Variants in RALGAPA1 observed in about 807,000 individuals in gnomAD.
RALGAPA1 encodes the protein ral GTPase-activating protein subunit alpha-1.
A neutral mutation model predicts 269.6 loss-of-function variants in RALGAPA1; 52 were observed. That is an observed-to-expected ratio of 0.19 (90% confidence interval 0.15 to 0.24). The LOEUF is 0.24. RALGAPA1 is among the 10% of genes least tolerant of loss of function. The pLI is 1.00. For missense variants in RALGAPA1, 1,917 were observed against 3,013.9 expected (o/e 0.64, Z 8.52); for synonymous variants, 817 against 1,008.3 (o/e 0.81, Z 3.60).
chr14:35,548,168 C>G (rs930050978), intron 41 of RALGAPA1, among the ~76,000 whole-genome samples: 1 of 151,942 alleles, frequency 6.6e-6, no homozygotes, highest in African/African-American at 2.4e-5. Flanking sequence ...CAATGCAACA[C>G]ATCACAAAAT....
intron 29 of RALGAPA1, 88 bp downstream of exon 29, chr14:35,655,719 A>C: frequency 6.7e-7 from 1 of 1,487,672 alleles, no homozygotes; most frequent in South Asian, 1.4e-5. Flanking sequence ...ACATTTACTA[A>C]ATGTTACACA....
intron 16 of RALGAPA1, among the ~76,000 whole-genome samples, chr14:35,719,385 C>T (rs544877188): frequency 6.6e-6 from 1 of 152,210 alleles, no homozygotes; most frequent in South Asian, 2.1e-4. Context: ...AATCTGCTGC[C>T]CCTTTTTATA....
intron 16 of RALGAPA1, among the ~76,000 whole-genome samples, chr14:35,702,698 T>A (rs896107293): frequency 2.1e-5 from 3 of 142,748 alleles, no homozygotes; most frequent in African/African-American, 7.7e-5. Flanking sequence ...TCATCTATAG[T>A]TGTAATCACC....
intron 4 of RALGAPA1, among the ~76,000 whole-genome samples, chr14:35,763,275 A>C (rs1303635730): frequency 1.3e-5 from 2 of 151,992 alleles, no homozygotes; most frequent in Non-Finnish European, 2.9e-5. Flanking sequence ...GCAGAGGACC[A>C]CCACTCAGTA....
At chr14:35,699,556 A>G (rs1375899336) in intron 17 of RALGAPA1, among the ~76,000 whole-genome samples, 1 of 152,170 alleles carries the variant, frequency 6.6e-6, no homozygotes, top group Non-Finnish European at 1.5e-5. Flanking sequence ...CAGGTTTTGA[A>G]GCTCCTTGGA....
intron 30 of RALGAPA1, among the ~76,000 whole-genome samples, chr14:35,653,077 G>A (rs938416875): frequency 5.9e-5 from 9 of 152,250 alleles, no homozygotes; most frequent in African/African-American, 2.2e-4. Context: ...TAAGATGACT[G>A]AGTGGGAAAA....
intron 26 of RALGAPA1, among the ~76,000 whole-genome samples, chr14:35,668,285 C>T (rs552584491): frequency 2.0e-5 from 3 of 152,266 alleles, no homozygotes; most frequent in South Asian, 2.1e-4. Context: ...GAGTTCAAGA[C>T]CAGCCTGGCC....
At chr14:35,615,501 TTG>T in intron 35 of RALGAPA1, among the ~76,000 whole-genome samples, 1 of 152,204 alleles carries the variant, frequency 6.6e-6, no homozygotes. Flanking sequence ...AGCTCAAAAA[TTG>T]TCTTACTGTC....
Position 35,696,332 on chromosome 14 carries a change from G to C in RALGAPA1, c.2407+3830C>G, listed in dbSNP as rs139306785. On this transcript the variant is annotated intron_variant, in intron 17 of 41. Coordinates refer to ENST00000680220, the MANE Select transcript of RALGAPA1 (RefSeq NM_001346249.2). ...GGGAGGCTGAGGCAGGGAAGTCAAG[G>C]CTGCAGTGAGTCATGTTTGCACCAC... is the stretch of plus-strand genomic sequence containing the variant. Among the ~76,000 whole-genome samples, 1,387 of 152,154 alleles carry C rather than the reference G, an allele frequency of 9.1e-3. 31 individuals are homozygous for C. Among genetic ancestry groups the C allele is most frequent in the African/African-American group, 0.032 (1,342 of 41,516 alleles).
In RALGAPA1 at chr14:35,721,709, T is replaced by C. The variant is rs775968575; in HGVS notation, c.2245A>G (p.Ile749Val). ...ATACCGACAGTTTTTTGCCGTACTA[T>C]ACTCCTCGCCTTTTCGGTTCCTGGA... Reference protein sequence around the residue: ...GSPGTEKARSIVRQKTVAMRS... With the variant: ...GSPGTEKARSVVRQKTVAMRS... The change falls in exon 16 of 42, where the codon ATA becomes GTA. Residue 749 changes from isoleucine to valine, a missense_variant. Physicochemically the swap from Ile to Val is conservative, Grantham distance 29. Coordinates refer to ENST00000680220, the MANE Select transcript of RALGAPA1 (RefSeq NM_001346249.2). 50 of 1,613,496 alleles carry C rather than the reference T, an allele frequency of 3.1e-5. No individual in the cohort carries two copies. The highest frequency in any genetic ancestry group is 9.3e-5 in the African/African-American group (7 of 74,924).
chr14:35,694,098 A>G (rs2066712211), intron 17 of RALGAPA1, among the ~76,000 whole-genome samples: 1 of 152,110 alleles, frequency 6.6e-6, no homozygotes, highest in African/African-American at 2.4e-5. Context: ...CCTTAAAAAA[A>G]AAAAGTAGCT....
Position 35,736,775 on chromosome 14 carries a change from C to A in RALGAPA1, c.1587+1738G>T, listed in dbSNP as rs971588730. On this transcript the variant is annotated intron_variant, in intron 12 of 41. Coordinates refer to ENST00000680220, the MANE Select transcript of RALGAPA1 (RefSeq NM_001346249.2). Reference sequence around the variant, plus strand: ...GATTGGCCAGGCACAGTGGCTCATGCCTATAATCCCAACACTTTGGGAGGC... The same window carrying A: ...GATTGGCCAGGCACAGTGGCTCATGACTATAATCCCAACACTTTGGGAGGC... Among the ~76,000 whole-genome samples, 7 of 152,132 alleles carry A rather than the reference C, an allele frequency of 4.6e-5. No individual in the cohort carries two copies. In the East Asian group the frequency reaches 1.3e-3, roughly 29 times the overall value.
intron 11 of RALGAPA1, among the ~76,000 whole-genome samples, chr14:35,739,149 T>C (rs905551676): frequency 3.9e-5 from 6 of 152,212 alleles, no homozygotes; most frequent in Non-Finnish European, 7.3e-5. Flanking sequence ...GCCTGCATTT[T>C]AGCTGTAACA....
At chr14:35,725,178 G>A (rs754336873) in intron 13 of RALGAPA1, 25 bp from the exon 14 acceptor site, 4 of 1,501,914 alleles carry the variant, frequency 2.7e-6, no homozygotes, top group South Asian at 1.4e-5. Flanking sequence ...ACTGATTAAT[G>A]TTTCCTTCTT....
intron 1 of RALGAPA1, among the ~76,000 whole-genome samples, chr14:35,792,400 A>AC (rs2076239999): frequency 1.3e-5 from 2 of 151,384 alleles, no homozygotes; most frequent in South Asian, 4.2e-4. Context: ...CAAGCGATCC[A>AC]CCCGCCTCAG....
Position 35,740,689 on chromosome 14 carries a change from T to C in RALGAPA1, c.1449+1679A>G, listed in dbSNP as rs1158361273. On this transcript the variant is annotated intron_variant, in intron 11 of 41. Transcript: ENST00000680220. ...CAGGCATGGTGGCGAGTGCCTGTAG[T>C]CCCAGCTACTTGGGTGGCTGAGGCT... Among the ~76,000 whole-genome samples, 6 of 152,082 alleles carry C rather than the reference T, an allele frequency of 3.9e-5. No homozygotes were observed. In the East Asian group the frequency reaches 1.2e-3, roughly 29 times the overall value.
At chr14:35,659,334 A>C (rs1298619879) in intron 27 of RALGAPA1, 138 bp from the exon 28 acceptor site, 3 of 485,214 alleles carry the variant, frequency 6.2e-6, no homozygotes, top group East Asian at 3.3e-5. Context: ...ATTATTTATA[A>C]AAGTAGCTAA....
At chr14:35,589,068 T>C (rs959343269) in intron 37 of RALGAPA1, among the ~76,000 whole-genome samples, 10 of 152,182 alleles carry the variant, frequency 6.6e-5, no homozygotes, top group African/African-American at 2.4e-4. Flanking sequence ...CATAGAAAGA[T>C]GGAGTACAGT....
intron 1 of RALGAPA1, among the ~76,000 whole-genome samples, chr14:35,792,732 C>T (rs1407208641): frequency 3.5e-5 from 5 of 143,584 alleles, no homozygotes; most frequent in South Asian, 2.2e-4. Flanking sequence ...GCAGTGAGCT[C>T]GTGCCACTGC....
Sources: allele counts gnomAD v4.1 joint callset (sites outside exome capture counted in the v4.1 genomes callset), GRCh38; gene constraint gnomAD v4.1.1; transcripts MANE v1.5; gene names NCBI Gene and HGNC (gene_info 2026-07-23, HGNC 2026-07-21).